Variants in RHPN1 observed in about 807,000 individuals in gnomAD.
The protein encoded by RHPN1 is rhophilin Rho GTPase binding protein 1, also known as rhophilin-1.
RHPN1 carries 77 observed loss-of-function variants against 74.7 expected under a neutral mutation model. The ratio of observed to expected loss-of-function variants is 1.03; its 90% CI spans 0.86 to 1.25. RHPN1 has a LOEUF of 1.25. RHPN1 is among the 50% of genes most tolerant of loss of function. RHPN1 has a pLI of 0.00. For synonymous variants in RHPN1, 444 were observed against 414.5 expected (o/e 1.07, Z -0.87); for missense variants, 987 against 932.2 (o/e 1.06, Z -0.77).
chr8:143,377,567 CAGAG>C (rs1374841207), intron 4 of RHPN1, 112 bp downstream of exon 4: 3 of 722,710 alleles, frequency 4.2e-6, no homozygotes, highest in Middle Eastern at 2.9e-4. Flanking sequence ...AACTGAGGCC[CAGAG>C]GGAGGGAGGC....
rs1473315393 is a variant in RHPN1, at chr8:143,380,612, A to G, written c.1240A>G (p.Ile414Val). The change falls in exon 11 of 15, where the codon ATC (isoleucine) becomes GTC (valine). Residue 414 changes from isoleucine (I) to valine (V), a missense_variant. Ile to Val is a conservative substitution (Grantham distance 29). Coordinates refer to ENST00000289013, the MANE Select transcript of RHPN1 (RefSeq NM_052924.3). ...QLGKAHLKRA[I>V]LGQEEALRLH... Reference sequence around the variant, plus strand: ...AGGCAAGGCACACCTGAAGCGTGCCATCCTGGGGCAGGAGGAGGCGCTGCG... The same window carrying G: ...AGGCAAGGCACACCTGAAGCGTGCCGTCCTGGGGCAGGAGGAGGCGCTGCG... 6.5e-7 allele frequency: 1 copy of G among 1,542,058 alleles called. No individual in the cohort carries two copies.
upstream of RHPN1, chr8:143,367,994 G>C (rs1359292653): frequency 1.3e-5 from 2 of 152,686 alleles, no homozygotes; most frequent in Non-Finnish European, 2.9e-5. Context: ...CTGCAGGCCA[G>C]TTCTCCAAGC....
chr8:143,380,581 G>A lies in RHPN1; in HGVS notation c.1217-8G>A, dbSNP rs371949071. On this transcript the variant is annotated splice_region_variant and splice_polypyrimidine_tract_variant and intron_variant, in intron 10 of 14. Coordinates refer to ENST00000289013, the MANE Select transcript of RHPN1 (RefSeq NM_052924.3). ...ATGGTGTGTGACATCCCAGTGCCCC[G>A]CGTGCAGGCAAGGCACACCTGAAGC... 263 of 1,488,818 alleles carry A rather than the reference G, an allele frequency of 1.8e-4. 4 individuals are homozygous for A. The highest frequency in any genetic ancestry group is 1.6e-3 in the South Asian group (125 of 76,608). The allele number at this position is 1,488,818 out of a possible 1,614,324, so 92.2% of individuals were successfully genotyped here.
At chr8:143,376,093 C>T (rs1818199309) in intron 2 of RHPN1, among the ~76,000 whole-genome samples, 1 of 152,204 alleles carries the variant, frequency 6.6e-6, no homozygotes, top group African/African-American at 2.4e-5. Flanking sequence ...CCCCTCGGTC[C>T]CCTTAGCACC....
At chr8:143,366,499 C>T (rs1201323440), upstream of RHPN1, 2 of 146,794 alleles carry the variant, frequency 1.4e-5, no homozygotes, top group Non-Finnish European at 3.0e-5. Context: ...GGCAGCACCA[C>T]CCCCCTCCAA....
chr8:143,378,167 C>A, intron 4 of RHPN1, 102 bp from the exon 5 acceptor site: 1 of 986,788 alleles, frequency 1.0e-6, no homozygotes, highest in Non-Finnish European at 1.6e-6. Flanking sequence ...CGGCACAGAC[C>A]CTCCCTCCAC....
At chr8:143,379,279 A>G (rs374220778) in intron 7 of RHPN1, 36 bp from the exon 8 acceptor site, 2 of 1,530,582 alleles carry the variant, frequency 1.3e-6, no homozygotes, top group East Asian at 4.7e-5. Flanking sequence ...GGGCAGGTAC[A>G]GGGCCCTGCC....
At chr8:143,376,491 G>A in intron 2 of RHPN1, 34 bp from the exon 3 acceptor site, 2 of 1,609,652 alleles carry the variant, frequency 1.2e-6, no homozygotes. Context: ...CTCTGCCTTG[G>A]GGCTGGGCTT....
At position 143,381,950 on chromosome 8, in the gene RHPN1, C is replaced by G; in HGVS notation, c.1779C>G (p.Ser593Arg). The G allele has an allele frequency of 6.2e-7, 1 of 1,601,082 alleles. No homozygotes were observed. ...TGCAGGTGGTGTCGCTGCTGCCCAG[C>G]TCTAGACTGCCCAGCTTGGTGAGCC... ...ASLQVVSLLP[S>R]SRLPSLGDRR... The change falls in exon 14 of 15, where the codon AGC becomes AGG. Residue 593 changes from serine (S) to arginine (R), a missense_variant. Physicochemically the swap from Ser to Arg is moderately radical, Grantham distance 110. Coordinates refer to ENST00000289013, the MANE Select transcript of RHPN1 (RefSeq NM_052924.3).
intron 1 of RHPN1, chr8:143,374,234 AGAGGGGAAGACCCAGTGC>A (rs1478576728): frequency 1.0e-6 from 1 of 985,344 alleles, no homozygotes; most frequent in African/African-American, 1.7e-5. Context: ...TCGGGTCCAC[AGAGGGGAAGACCCAGTGC>A]GTGTGCACGT....
Position 143,368,946 on chromosome 8 carries a change from G to C in RHPN1, c.-42G>C, listed in dbSNP as rs376982711. 1.3e-5 allele frequency: 18 copies of C among 1,426,258 alleles called. No individual in the cohort carries two copies. The South Asian group carries it at 1.8e-4, about 14-fold the overall frequency. 88.4% of individuals were successfully genotyped at this position (1,426,258 alleles called of 1,614,324 possible). A position where few individuals can be genotyped will look rare whatever the true frequency, so the allele number is the denominator to read the frequency against. ...CTGCGGAGCGCTGCGCGAGCGGCGG[G>C]CTGGCTGACCCCGAGGGACCCCCAG... On this transcript the variant is annotated 5_prime_UTR_variant, in exon 1 of 15. Coordinates refer to ENST00000289013, the MANE Select transcript of RHPN1 (RefSeq NM_052924.3).
chr8:143,369,083 C>A, intron 1 of RHPN1, 36 bp downstream of exon 1: 1 of 1,437,218 alleles, frequency 7.0e-7, no homozygotes, highest in Non-Finnish European at 9.1e-7. Flanking sequence ...GAGGAGGGGC[C>A]CGGAATCCCG....
chr8:143,371,105 G>A (rs1420575834), intron 1 of RHPN1, among the ~76,000 whole-genome samples: 1 of 152,188 alleles, frequency 6.6e-6, no homozygotes, highest in Non-Finnish European at 1.5e-5. Context: ...ACCAGTGCCT[G>A]GGTACCCCAG....
chr8:143,379,810 C>G lies in RHPN1; in HGVS notation c.946-19C>G. ...TGGAGAGTGGGAGGCCCTCGCGTGC[C>G]TGCCACATCCACCGGCAGGTGGCAG... is the stretch of plus-strand genomic sequence containing the variant. On this transcript the variant is annotated intron_variant, in intron 8 of 14. Coordinates refer to ENST00000289013, the MANE Select transcript of RHPN1 (RefSeq NM_052924.3). The G allele has an allele frequency of 6.2e-7, 1 of 1,601,004 alleles. No individual in the cohort carries two copies. Among genetic ancestry groups the G allele is most frequent in the Non-Finnish European group, 8.5e-7 (1 of 1,173,532 alleles).
At position 143,379,507 on chromosome 8, in the gene RHPN1, A is replaced by C; in HGVS notation, c.944A>C (p.Gln315Pro). The change falls in exon 8 of 15, where the codon CAG becomes CCG. Residue 315 changes from glutamine to proline, a missense_variant and splice_region_variant. Physicochemically the swap from Gln to Pro is moderately conservative, Grantham distance 76 (BLOSUM62 -1). Transcript: ENST00000289013. ...CTGCGCCTGGCGCAGGAGGCCGCCC[A>C]GGTGAGCTCGGGCACCCGTGTCAGG... ...AQLRLAQEAAQVAAEYRLVHR... is the reference protein window; with the variant it reads ...AQLRLAQEAAPVAAEYRLVHR... 6.5e-7 allele frequency: 1 copy of C among 1,544,988 alleles called. No homozygotes were observed. Among genetic ancestry groups the C allele is most frequent in the Non-Finnish European group, 8.7e-7 (1 of 1,144,066 alleles).
chr8:143,367,078 A>G (rs1467260747), upstream of RHPN1: 1 of 152,214 alleles, frequency 6.6e-6, no homozygotes, highest in Non-Finnish European at 1.5e-5. Flanking sequence ...TGAAGGTCTC[A>G]TGTAGCCTGT....
In RHPN1 at chr8:143,378,357, C is replaced by CGGGGGGGGGGCG; in HGVS notation, c.459+11_459+12insGGGGGGGGGGCG. ...GAGGCCCTGCGGCAGGTGTGTGGTT[C>CGGGGGGGGGGCG]CCCCGCCCACCCACCCTCCTGCAGC... On this transcript the variant is annotated intron_variant, in intron 5 of 14. Transcript: ENST00000289013. 12 of 1,520,872 alleles carry CGGGGGGGGGGCG rather than the reference C, an allele frequency of 7.9e-6. No homozygotes were observed. Among genetic ancestry groups the CGGGGGGGGGGCG allele is most frequent in the Non-Finnish European group, 9.8e-6 (11 of 1,127,090 alleles). 94.2% of individuals were successfully genotyped at this position (1,520,872 alleles called of 1,614,324 possible). A position where few individuals can be genotyped will look rare whatever the true frequency, so the allele number is the denominator to read the frequency against.
chr8:143,380,632 G>T lies in RHPN1; in HGVS notation c.1260G>T (p.Ala420=), dbSNP rs368795813. ...GTGCCATCCTGGGGCAGGAGGAGGC[G>T]CTGCGGCTGCACGCCCTGTGCCGCG... ...LKRAILGQEE[A]LRLHALCRVL... is the part of the protein sequence containing the mutation. Residue 420 remains alanine, a synonymous_variant, in exon 11 of 15, where the codon GCG becomes GCT. Coordinates refer to ENST00000289013, the MANE Select transcript of RHPN1 (RefSeq NM_052924.3). 4 of 1,553,976 alleles carry T rather than the reference G, an allele frequency of 2.6e-6. No individual in the cohort carries two copies. The Admixed American group carries it at 7.7e-5, about 30-fold the overall frequency.
At chr8:143,380,473 C>A in intron 10 of RHPN1, 116 bp from the exon 11 acceptor site, 1 of 1,003,190 alleles carries the variant, frequency 1.0e-6, no homozygotes, top group Non-Finnish European at 1.4e-6. Flanking sequence ...TGGCGCGCAC[C>A]CCCAACGAAA....
Sources: allele counts gnomAD v4.1 joint callset (sites outside exome capture counted in the v4.1 genomes callset), GRCh38; gene constraint gnomAD v4.1.1; transcripts MANE v1.5; gene names NCBI Gene and HGNC (gene_info 2026-07-23, HGNC 2026-07-21).